JAKMIP1: variants seen among roughly 807,000 people sequenced by gnomAD.
JAKMIP1 encodes janus kinase and microtubule-interacting protein 1.
A neutral mutation model predicts 113.0 loss-of-function variants in JAKMIP1; 33 were observed. The ratio of observed to expected loss-of-function variants is 0.29; its 90% confidence interval spans 0.22 to 0.39. The LOEUF (loss-of-function observed/expected upper bound fraction) is 0.39. JAKMIP1 is among the 10% of genes least tolerant of loss of function. The probability of loss-of-function intolerance (pLI) is 1.00; values close to 1 mark genes in which losing one functional copy is unlikely to be tolerated. For synonymous variants in JAKMIP1, 480 were observed against 459.9 expected, an observed-to-expected ratio of 1.04 and a Z score of -0.56; for missense variants, 813 against 1,080.5, an observed-to-expected ratio of 0.75 and a Z score of 3.47.
intron 3 of JAKMIP1, among the ~76,000 whole-genome samples, chr4:6,095,999 T>C (rs1344214997): frequency 1.3e-5 from 2 of 152,108 alleles, no homozygotes; most frequent in African/African-American, 4.8e-5. Context: ...CTGGCCTAGA[T>C]GATGCTCAGG....
At chr4:6,172,013 T>C (rs1344237181) in intron 1 of JAKMIP1, among the ~76,000 whole-genome samples, 1 of 151,998 alleles carries the variant, frequency 6.6e-6, no homozygotes, top group Non-Finnish European at 1.5e-5. Context: ...TCCCACAAGC[T>C]CCCCCACGTG....
At chr4:6,126,873 A>G (rs1002920352) in intron 1 of JAKMIP1, among the ~76,000 whole-genome samples, 28 of 151,542 alleles carry the variant, frequency 1.8e-4, no homozygotes, top group African/African-American at 6.3e-4. Context: ...AGAAACCCAT[A>G]CCACATATGC....
rs1045483805 is a variant in JAKMIP1, at chr4:6,138,121, C to T, written c.-147-25124G>A. Among the ~76,000 whole-genome samples, 5 of 152,240 alleles carry T rather than the reference C, an allele frequency of 3.3e-5. No homozygotes were observed. Among genetic ancestry groups the T allele is most frequent in the African/African-American group, 1.2e-4 (5 of 41,460 alleles). On this transcript the variant is annotated intron_variant, in intron 1 of 20. Transcript: ENST00000409021. The surrounding 1 kb of genome is among the most constrained non-coding windows in gnomAD (Gnocchi z 6.0). ...CTGCTCCCTGACCTTCCACTACTGG[C>T]ACCTACTTCCCTGTGCTCCGTCCCT...
rs1726678725 is a variant in JAKMIP1 at position 6,186,588 on chromosome 4, C to G, written c.-148+13665G>C. Among the ~76,000 whole-genome samples the G allele has an allele frequency of 6.6e-6, 1 of 152,156 alleles. No individual in the cohort carries two copies. Among genetic ancestry groups the G allele is most frequent in the Non-Finnish European group, 1.5e-5 (1 of 68,030 alleles). On this transcript the variant is annotated intron_variant, in intron 1 of 20. Coordinates refer to ENST00000409021, the MANE Select transcript of JAKMIP1 (RefSeq NM_001099433.2). The surrounding 1 kb of genome is among the most constrained non-coding windows in gnomAD (Gnocchi z 5.5). ...AATTTTATTGAGGTTGTATTAGGGC[C>G]TAGCATATGGTCTATCCTGGAAAAT...
At chr4:6,104,369 AG>A (rs1202028991) in intron 3 of JAKMIP1, among the ~76,000 whole-genome samples, 1 of 152,028 alleles carries the variant, frequency 6.6e-6, no homozygotes, top group African/African-American at 2.4e-5. Flanking sequence ...ATACATTTTG[AG>A]GTTTTGTTAT....
chr4:6,199,805 C>G lies in JAKMIP1; in HGVS notation c.-148+448G>C, dbSNP rs1024291861. ...GGAGATCTGGGGGACTGTGACCTACCCTGCGGAAGACACGGAGGGGACGGG... is the reference window on the plus strand; with the variant it reads ...GGAGATCTGGGGGACTGTGACCTACGCTGCGGAAGACACGGAGGGGACGGG... On this transcript the variant is annotated intron_variant, in intron 1 of 20. Coordinates refer to ENST00000409021, the MANE Select transcript of JAKMIP1 (RefSeq NM_001099433.2). The surrounding 1 kb of genome is among the most constrained non-coding windows in gnomAD (Gnocchi z 5.6). 6.6e-6 allele frequency among the ~76,000 whole-genome samples: 1 copy of G among 151,466 alleles called. No homozygotes were observed. The highest frequency in any genetic ancestry group is 1.5e-5 in the Non-Finnish European group (1 of 67,758).
chr4:6,091,915 A>G (rs918774597), intron 3 of JAKMIP1, among the ~76,000 whole-genome samples: 4 of 152,126 alleles, frequency 2.6e-5, no homozygotes, highest in African/African-American at 9.7e-5. Context: ...CTCTTCCAGC[A>G]TCTCATCTCC....
rs1359055054 is a variant in JAKMIP1 at position 6,162,718 on chromosome 4, G to A, written c.-148+37535C>T. ...CATTATCATCGTTCCCACTTTACAG[G>A]TAATAAAACTGGCTCAGAAAGGTTA... On this transcript the variant is annotated intron_variant, in intron 1 of 20. Transcript: ENST00000409021. This position sits in a 1 kb window ranked among gnomAD's most constrained non-coding sequence, Gnocchi z 5.6. Among the ~76,000 whole-genome samples, 4 of 152,074 alleles carry A rather than the reference G, an allele frequency of 2.6e-5. No homozygotes were observed. Among genetic ancestry groups the A allele is most frequent in the Non-Finnish European group, 5.9e-5 (4 of 68,026 alleles).
intron 1 of JAKMIP1, among the ~76,000 whole-genome samples, chr4:6,134,966 G>A (rs1719020246): frequency 6.6e-6 from 1 of 152,194 alleles, no homozygotes; most frequent in Admixed American, 6.5e-5. Flanking sequence ...TCTAGCTGGG[G>A]ACTCCACACA....
At chr4:6,120,363 G>A (rs1309879398) in intron 1 of JAKMIP1, among the ~76,000 whole-genome samples, 2 of 152,122 alleles carry the variant, frequency 1.3e-5, no homozygotes, top group East Asian at 3.9e-4. Flanking sequence ...TTTATTCTAA[G>A]GAAGCAATTC....
chr4:6,174,666 A>T (rs1277584325), intron 1 of JAKMIP1, among the ~76,000 whole-genome samples: 1 of 151,234 alleles, frequency 6.6e-6, no homozygotes, highest in Non-Finnish European at 1.5e-5. Context: ...CTTCCCCGAA[A>T]CCCCCCGGAG....
chr4:6,084,706 T>G, intron 5 of JAKMIP1, 140 bp downstream of exon 5: 2 of 902,420 alleles, frequency 2.2e-6, no homozygotes, highest in South Asian at 2.9e-5. Flanking sequence ...TGTTAGATTT[T>G]TAATCGAAAA....
rs1045535481 is a variant in JAKMIP1 at position 6,185,558 on chromosome 4, G to A, written c.-148+14695C>T. Among the ~76,000 whole-genome samples, 13 of 152,198 alleles carry A rather than the reference G, an allele frequency of 8.5e-5. No homozygotes were observed. The highest frequency in any genetic ancestry group is 3.1e-4 in the African/African-American group (13 of 41,446). On this transcript the variant is annotated intron_variant, in intron 1 of 20. Transcript: ENST00000409021. The surrounding 1 kb of genome is among the most constrained non-coding windows in gnomAD (Gnocchi z 5.3). The stretch of plus-strand genomic sequence containing the variant: ...AGCTACTTGGGAGGCTGAGGCAGGA[G>A]AATGGCGTGAACCTGGGAGGCGGAG...
intron 7 of JAKMIP1, among the ~76,000 whole-genome samples, chr4:6,079,521 C>A (rs1578173643): frequency 6.6e-6 from 1 of 152,226 alleles, no homozygotes; most frequent in South Asian, 2.1e-4. Flanking sequence ...AACCATCACA[C>A]ACCCACTTTG....
intron 8 of JAKMIP1, chr4:6,070,041 C>T (rs546741285): frequency 2.8e-5 from 11 of 398,674 alleles, no homozygotes; most frequent in African/African-American, 1.4e-4. Flanking sequence ...CGCAAAACCC[C>T]GAACCAGCTG....
At chr4:6,105,294 C>A (rs1046688276) in intron 3 of JAKMIP1, among the ~76,000 whole-genome samples, 179 bp downstream of exon 3, 1 of 152,212 alleles carries the variant, frequency 6.6e-6, no homozygotes, top group Admixed American at 6.5e-5. Flanking sequence ...GTTCTTTGAG[C>A]GGATTACCTG....
chr4:6,135,778 C>A lies in JAKMIP1; in HGVS notation c.-147-22781G>T, dbSNP rs1014724542. On this transcript the variant is annotated intron_variant, in intron 1 of 20. Coordinates refer to ENST00000409021, the MANE Select transcript of JAKMIP1 (RefSeq NM_001099433.2). This position sits in a 1 kb window ranked among gnomAD's most constrained non-coding sequence, Gnocchi z 4.9. Reference sequence around the variant, plus strand: ...CCTTCTAAGGCCCATCCCACTGGTTCTTCCCCTAAACCACACTGCCCAGCA... The same window carrying A: ...CCTTCTAAGGCCCATCCCACTGGTTATTCCCCTAAACCACACTGCCCAGCA... Among the ~76,000 whole-genome samples, 2 of 152,162 alleles carry A rather than the reference C, an allele frequency of 1.3e-5. No homozygotes were observed. The highest frequency in any genetic ancestry group is 2.9e-5 in the Non-Finnish European group (2 of 68,034).
Position 6,137,115 on chromosome 4 carries a change from A to AC in JAKMIP1, c.-147-24119dup, listed in dbSNP as rs1719357021. 6.7e-6 allele frequency among the ~76,000 whole-genome samples: 1 copy of AC among 149,446 alleles called. No individual in the cohort carries two copies. Among genetic ancestry groups the AC allele is most frequent in the Admixed American group, 6.7e-5 (1 of 14,980 alleles). ...GGAATAATCACTCTTCCTCCTCAACACCCCCTCCCTATTTTCATGGTAAGG... is the reference window on the plus strand; with the variant it reads ...GGAATAATCACTCTTCCTCCTCAACACCCCCCTCCCTATTTTCATGGTAAGG... On this transcript the variant is annotated intron_variant, in intron 1 of 20. Coordinates refer to ENST00000409021, the MANE Select transcript of JAKMIP1 (RefSeq NM_001099433.2). The surrounding 1 kb of genome is among the most constrained non-coding windows in gnomAD (Gnocchi z 4.5).
At position 6,051,902 on chromosome 4, in the gene JAKMIP1, C is replaced by A. The variant is rs1398341228; in HGVS notation, c.1807-1223G>T. Among the ~76,000 whole-genome samples, 1 of 152,134 alleles carries A rather than the reference C, an allele frequency of 6.6e-6. No homozygotes were observed. The highest frequency in any genetic ancestry group is 2.4e-5 in the African/African-American group (1 of 41,418). ...GCAGAGAAGACCTTTTCAAATTACA[C>A]CTTTAAATCAAACTGCTTTAGTTTG... is the stretch of plus-strand genomic sequence containing the variant. On this transcript the variant is annotated intron_variant, in intron 13 of 20. Transcript: ENST00000409021. The surrounding 1 kb of genome is among the most constrained non-coding windows in gnomAD (Gnocchi z 5.0).
Sources: gnomAD v4.1 joint callset for allele counts (sites outside exome capture counted in the v4.1 genomes callset) on GRCh38, gnomAD v4.1.1 for gene constraint, Gnocchi (gnomAD v3.1) non-coding constraint, MANE v1.5 for transcripts, NCBI Gene and HGNC (gene_info 2026-07-23, HGNC 2026-07-21) for gene names.